SLC2A7: variants seen among roughly 807,000 people sequenced by gnomAD.
SLC2A7 encodes solute carrier family 2, facilitated glucose transporter member 7.
SLC2A7 carries 50 observed loss-of-function variants against 50.5 expected under a neutral mutation model. That is an observed-to-expected ratio of 0.99 (90% CI 0.79 to 1.25). The LOEUF (loss-of-function observed/expected upper bound fraction) is 1.25. Ranked by LOEUF, SLC2A7 falls within the 50% of genes most tolerant of loss-of-function variation. SLC2A7 has a pLI of 0.00. For missense variants in SLC2A7, 683 were observed against 679.1 expected, an observed-to-expected ratio of 1.01 and a Z score of -0.06; for synonymous variants, 308 against 300.4, an observed-to-expected ratio of 1.03 and a Z score of -0.26.
intron 2 of SLC2A7, among the ~76,000 whole-genome samples, chr1:9,023,961 T>G (rs1190215721): frequency 6.7e-6 from 1 of 149,044 alleles, no homozygotes; most frequent in Admixed American, 6.8e-5. Flanking sequence ...GTTCAAGTGA[T>G]TCTCCTGTCT....
intron 3 of SLC2A7, among the ~76,000 whole-genome samples, chr1:9,022,075 A>C (rs1476679788): frequency 2.0e-5 from 3 of 152,226 alleles, no homozygotes; most frequent in African/African-American, 2.4e-5. Flanking sequence ...GGTCCTATGA[A>C]TCTTGCATTA....
chr1:9,017,433 T>C (rs1402111227), intron 5 of SLC2A7, among the ~76,000 whole-genome samples: 1 of 152,170 alleles, frequency 6.6e-6, no homozygotes, highest in Non-Finnish European at 1.5e-5. Flanking sequence ...CAGAGGGTCC[T>C]GCCCCACACC....
chr1:9,022,089 AATAG>A (rs1411333493), intron 3 of SLC2A7, among the ~76,000 whole-genome samples: 1 of 152,258 alleles, frequency 6.6e-6, no homozygotes, highest in Non-Finnish European at 1.5e-5. Context: ...TGCATTAATT[AATAG>A]ATAATTAATT....
rs1009835886 is a variant in SLC2A7, at chr1:9,009,659, T to C, written c.1116+484A>G. On this transcript the variant is annotated intron_variant, in intron 9 of 11. Coordinates refer to ENST00000400906, the MANE Select transcript of SLC2A7 (RefSeq NM_207420.3). The stretch of plus-strand genomic sequence containing the variant: ...TTTTTGTAGAGATGGGGTCTCACCA[T>C]GTTGTTCAGACTGGTCTTGAGCTCC... Among the ~76,000 whole-genome samples, 8 of 152,308 alleles carry C rather than the reference T, an allele frequency of 5.3e-5. No individual in the cohort carries two copies. The South Asian group carries it at 1.2e-3, about 24-fold the overall frequency.
In SLC2A7 at chr1:9,013,610, T is replaced by A. The variant is rs1165287014; in HGVS notation, c.929A>T (p.Tyr310Phe). 1 of 1,614,094 alleles carries A rather than the reference T, an allele frequency of 6.2e-7. No individual in the cohort carries two copies. Among genetic ancestry groups the A allele is most frequent in the Non-Finnish European group, 8.5e-7 (1 of 1,179,984 alleles). ...NAINYYADTIYTSAGVEAAHS... is the reference protein window; with the variant it reads ...NAINYYADTIFTSAGVEAAHS... Reference sequence around the variant, plus strand: ...AGCGGCCTCCACGCCCGCAGATGTGTAGATGGTGTCCGCATAGTAGTTGAT... The same window carrying A: ...AGCGGCCTCCACGCCCGCAGATGTGAAGATGGTGTCCGCATAGTAGTTGAT... The change falls in exon 8 of 12, where the codon TAC (tyrosine) becomes TTC (phenylalanine). Residue 310 changes from tyrosine (Y) to phenylalanine (F), a missense_variant. Physicochemically the swap from Tyr to Phe is conservative, Grantham distance 22. Transcript: ENST00000400906.
chr1:9,018,071 C>T (rs1221614604), intron 5 of SLC2A7, 152 bp downstream of exon 5: 38 of 1,046,296 alleles, frequency 3.6e-5, no homozygotes, highest in Non-Finnish European at 4.2e-5. Flanking sequence ...AAAACAGCCC[C>T]GACCACGTCA....
intron 3 of SLC2A7, among the ~76,000 whole-genome samples, chr1:9,020,509 G>A (rs908111558): frequency 2.0e-5 from 3 of 151,782 alleles, no homozygotes; most frequent in Admixed American, 1.3e-4. Flanking sequence ...GCTTGACTCT[G>A]TGCTCTAGGT....
chr1:9,024,158 C>A (rs954513974), intron 2 of SLC2A7, among the ~76,000 whole-genome samples: 2 of 152,032 alleles, frequency 1.3e-5, no homozygotes, highest in Non-Finnish European at 2.9e-5. Context: ...GCCACCGCTC[C>A]CAGCCCAGGA....
chr1:8,998,905 T>C (rs1640541263), downstream of SLC2A7, among the ~76,000 whole-genome samples: 2 of 152,190 alleles, frequency 1.3e-5, no homozygotes, highest in African/African-American at 2.4e-5. Context: ...GTAGTTTTCT[T>C]GTCATGTCTT....
the SLC2A7 span, among the ~76,000 whole-genome samples, chr1:8,993,509 G>C: frequency 1.3e-5 from 2 of 152,170 alleles, no homozygotes; most frequent in African/African-American, 4.8e-5. Context: ...TCTGACAGAA[G>C]CAATCACAGA....
At chr1:8,999,632 A>C (rs1354596377), downstream of SLC2A7, among the ~76,000 whole-genome samples, 1 of 152,230 alleles carries the variant, frequency 6.6e-6, no homozygotes, top group African/African-American at 2.4e-5. Flanking sequence ...TAACTGGCTT[A>C]CTATGAGACC....
At chr1:9,001,032 T>C (rs1640566425), downstream of SLC2A7, among the ~76,000 whole-genome samples, 1 of 151,968 alleles carries the variant, frequency 6.6e-6, no homozygotes, top group South Asian at 2.1e-4. Context: ...TCACAATAGC[T>C]GTCATTGTTT....
At chr1:9,018,091 T>C in intron 5 of SLC2A7, 132 bp downstream of exon 5, 1 of 1,249,286 alleles carries the variant, frequency 8.0e-7, no homozygotes, top group South Asian at 1.6e-5. Context: ...ACCCATCCCT[T>C]TGCCCACCAC....
rs1193662858 is a variant in SLC2A7 at position 9,013,505 on chromosome 1, G to A, written c.1014+20C>T. On this transcript the variant is annotated intron_variant, in intron 8 of 11. Transcript: ENST00000400906. ...TGGCCAGAGACCCTCCAGCAGGAAG[G>A]ATGCCTCCTGCTCACTCACCGAGGT... 1 of 1,597,224 alleles carries A rather than the reference G, an allele frequency of 6.3e-7. No homozygotes were observed. The highest frequency in any genetic ancestry group is 8.6e-7 in the Non-Finnish European group (1 of 1,166,388).
At chr1:9,024,418 A>G (rs1640963812) in intron 2 of SLC2A7, among the ~76,000 whole-genome samples, 1 of 152,214 alleles carries the variant, frequency 6.6e-6, no homozygotes, top group Non-Finnish European at 1.5e-5. Flanking sequence ...TAATATATGT[A>G]TACAAGCGTA....
chr1:8,993,168 G>A, the SLC2A7 span, among the ~76,000 whole-genome samples: 4 of 152,224 alleles, frequency 2.6e-5, no homozygotes, highest in African/African-American at 9.6e-5. Flanking sequence ...CAGGCAAAGA[G>A]AGAGAGCTTG....
chr1:9,009,648 G>T (rs980383567), intron 9 of SLC2A7, among the ~76,000 whole-genome samples: 1 of 152,084 alleles, frequency 6.6e-6, no homozygotes, highest in Non-Finnish European at 1.5e-5. Flanking sequence ...TGTAGAGATG[G>T]GGTCTCACCA....
rs767219718 is a variant in SLC2A7 at position 9,023,031 on chromosome 1, T to C, written c.198A>G (p.Thr66=). ...YNETYFERHA[T]FMDGKLMLLL... ...GCAGCATGAGCTTCCCGTCCATGAA[T>C]GTTGCGTGTCGCTCAAAGTAGGTTT... The change falls in exon 3 of 12, where the codon ACA becomes ACG. Residue 66 remains threonine (T), a synonymous_variant. Transcript: ENST00000400906. 1 of 1,614,158 alleles carries C rather than the reference T, an allele frequency of 6.2e-7. No homozygotes were observed. Among genetic ancestry groups the C allele is most frequent in the Non-Finnish European group, 8.5e-7 (1 of 1,179,994 alleles).
the SLC2A7 span, among the ~76,000 whole-genome samples, chr1:8,994,969 C>T: frequency 0.029 from 4,397 of 151,406 alleles, 204 homozygotes; most frequent in African/African-American, 0.1. Context: ...TGGGGTTTCA[C>T]CATGTTGCCC....
Sources: gnomAD v4.1 joint callset for allele counts (sites outside exome capture counted in the v4.1 genomes callset) on GRCh38, gnomAD v4.1.1 for gene constraint, MANE v1.5 for transcripts, NCBI Gene and HGNC (gene_info 2026-07-23, HGNC 2026-07-21) for gene names.